IL1RAPL1: variants seen among roughly 807,000 people sequenced by gnomAD.
IL1RAPL1 encodes interleukin 1 receptor accessory protein like 1, also known as interleukin-1 receptor accessory protein-like 1.
In IL1RAPL1, 3 loss-of-function variants were observed where a neutral mutation model predicts 48.4. That is an observed-to-expected ratio of 0.06 (90% CI 0.03 to 0.16). The LOEUF (loss-of-function observed/expected upper bound fraction) is 0.16. Among genes scored for constraint, IL1RAPL1 ranks in the 10% least tolerant of loss-of-function variants. The pLI, the probability that IL1RAPL1 is intolerant of heterozygous loss-of-function variation, is 1.00. For synonymous variants in IL1RAPL1, 185 were observed against 187.7 expected (o/e 0.99, Z 0.12); for missense variants, 349 against 530.6 (o/e 0.66, Z 3.36).
intron 6 of IL1RAPL1, among the ~76,000 whole-genome samples, chrX:29,788,009 G>A (rs1268458145): frequency 8.9e-6 from 1 of 112,010 alleles, no homozygotes; most frequent in Non-Finnish European, 1.9e-5. Context: ...TGCTTGCCCA[G>A]TATTTGTTGC....
At position 28,723,843 on chromosome X, in the gene IL1RAPL1, C is replaced by T. The variant is rs758966440; in HGVS notation, c.-24-65477C>T. ...AACATCTTTATTTCTGCCTTCATTTCGTTATGTACCCAGTAGTCATTCAGA... is the reference window on the plus strand; with the variant it reads ...AACATCTTTATTTCTGCCTTCATTTTGTTATGTACCCAGTAGTCATTCAGA... On this transcript the variant is annotated intron_variant, in intron 1 of 10. Coordinates refer to ENST00000378993, the MANE Select transcript of IL1RAPL1 (RefSeq NM_014271.4). Among the ~76,000 whole-genome samples, 15 of 111,887 alleles carry T rather than the reference C, an allele frequency of 1.3e-4. No individual in the cohort carries two copies. In the South Asian group the frequency reaches 2.6e-3, roughly 19 times the overall value.
At chrX:29,837,463 C>A (rs1001621036) in intron 6 of IL1RAPL1, among the ~76,000 whole-genome samples, 1 of 108,847 alleles carries the variant, frequency 9.2e-6, no homozygotes, top group Non-Finnish European at 1.9e-5. Context: ...TAGAAACCAA[C>A]ATTACCCCAT....
At chrX:29,128,789 T>A (rs1385763598) in intron 2 of IL1RAPL1, among the ~76,000 whole-genome samples, 3 of 111,356 alleles carry the variant, frequency 2.7e-5, no homozygotes, top group Non-Finnish European at 5.6e-5. Flanking sequence ...ATAGAAAAAA[T>A]TGAAAATGTC....
At chrX:29,873,668 C>A (rs1003744627) in intron 6 of IL1RAPL1, among the ~76,000 whole-genome samples, 2 of 111,681 alleles carry the variant, frequency 1.8e-5, no homozygotes, top group African/African-American at 3.3e-5. Context: ...TATAAGCCAC[C>A]GACTTTGTGG....
intron 5 of IL1RAPL1, among the ~76,000 whole-genome samples, chrX:29,421,410 A>C (rs1235954557): frequency 9.2e-5 from 10 of 109,090 alleles, no homozygotes; most frequent in African/African-American, 3.4e-4. Context: ...TCCCACACAT[A>C]CCCCCACCCC....
At chrX:29,932,112 C>T (rs1190462865) in intron 8 of IL1RAPL1, among the ~76,000 whole-genome samples, 1 of 112,099 alleles carries the variant, frequency 8.9e-6, no homozygotes, top group African/African-American at 3.2e-5. Flanking sequence ...CCCCATCATA[C>T]TTAATCTTAT....
chrX:29,859,622 CTTT>C (rs746372938), intron 6 of IL1RAPL1, among the ~76,000 whole-genome samples: 10 of 111,976 alleles, frequency 8.9e-5, no homozygotes, highest in South Asian at 3.7e-4. Flanking sequence ...TTCTATATTA[CTTT>C]TTTATGAAAT....
At chrX:29,944,048 T>G (rs1272713910) in intron 9 of IL1RAPL1, among the ~76,000 whole-genome samples, 1 of 112,041 alleles carries the variant, frequency 8.9e-6, no homozygotes, top group Non-Finnish European at 1.9e-5. Context: ...GAACTCTGTC[T>G]CTGAGGCCAT....
chrX:28,615,163 C>T lies in IL1RAPL1; in HGVS notation c.-25+27116C>T, dbSNP rs183569242. Among the ~76,000 whole-genome samples, 649 of 97,342 alleles carry T rather than the reference C, an allele frequency of 6.7e-3. 3 individuals carry two copies. The highest frequency in any genetic ancestry group is 8.9e-3 in the Non-Finnish European group (449 of 50,600). The allele number at this position is 97,342 out of a possible 115,157, so 84.5% of individuals were successfully genotyped here. On this transcript the variant is annotated intron_variant, in intron 1 of 10. Coordinates refer to ENST00000378993, the MANE Select transcript of IL1RAPL1 (RefSeq NM_014271.4). Reference sequence around the variant, plus strand: ...TTGGCCTCCTAAAGTGCTGAGATTACAGGTATGAGGCACTGCGCCTGGCCA... The same window carrying T: ...TTGGCCTCCTAAAGTGCTGAGATTATAGGTATGAGGCACTGCGCCTGGCCA...
chrX:28,846,592 G>T (rs2147294636), intron 2 of IL1RAPL1, among the ~76,000 whole-genome samples: 1 of 111,523 alleles, frequency 9.0e-6, no homozygotes, highest in East Asian at 2.8e-4. Context: ...GCATTTTGTT[G>T]TCAGTGTTCT....
chrX:29,612,472 C>T (rs1410643017), intron 5 of IL1RAPL1, among the ~76,000 whole-genome samples: 1 of 110,383 alleles, frequency 9.1e-6, no homozygotes, highest in Non-Finnish European at 1.9e-5. Flanking sequence ...GGATAACTGT[C>T]TTTCATGGGA....
chrX:29,064,969 G>T (rs1208828777), intron 2 of IL1RAPL1, among the ~76,000 whole-genome samples: 1 of 111,400 alleles, frequency 9.0e-6, no homozygotes, highest in Non-Finnish European at 1.9e-5. Flanking sequence ...CTGAGGATAT[G>T]AGTTACCATC....
chrX:29,086,148 T>C (rs73210034), intron 2 of IL1RAPL1, among the ~76,000 whole-genome samples: 1,590 of 112,311 alleles, frequency 0.014, 15 homozygotes, highest in Non-Finnish European at 0.02. Flanking sequence ...AGATATTCAT[T>C]TGAAGAATAA....
chrX:29,359,181 A>G (rs907010203), intron 3 of IL1RAPL1, among the ~76,000 whole-genome samples: 7 of 111,399 alleles, frequency 6.3e-5, no homozygotes, highest in African/African-American at 2.3e-4. Flanking sequence ...AAACTTATCA[A>G]TATATCTGAT....
At chrX:29,082,382 A>C (rs1260461864) in intron 2 of IL1RAPL1, among the ~76,000 whole-genome samples, 4 of 112,505 alleles carry the variant, frequency 3.6e-5, no homozygotes, top group African/African-American at 1.3e-4. Context: ...AAAAATCCAA[A>C]ATAACATTTA....
At chrX:29,733,318 T>A (rs1459367322) in intron 6 of IL1RAPL1, among the ~76,000 whole-genome samples, 4 of 112,256 alleles carry the variant, frequency 3.6e-5, no homozygotes. Context: ...CTTCTTCCTT[T>A]TTTTAGTATT....
intron 1 of IL1RAPL1, among the ~76,000 whole-genome samples, chrX:28,692,944 G>T (rs1259848421): frequency 2.7e-5 from 3 of 111,563 alleles, no homozygotes; most frequent in East Asian, 5.6e-4. Flanking sequence ...TGTCATGTAG[G>T]TATACAATGT....
At chrX:29,917,436 A>G (rs1328998978) in intron 6 of IL1RAPL1, 28 bp from the exon 7 acceptor site, 1 of 1,201,428 alleles carries the variant, frequency 8.3e-7, no homozygotes, top group Non-Finnish European at 1.1e-6. Context: ...ATAGTTTTAT[A>G]ACACTTTTCC....
intron 2 of IL1RAPL1, among the ~76,000 whole-genome samples, chrX:29,228,332 AGTGTGT>A (rs1555978439): frequency 1.9e-4 from 15 of 79,564 alleles, no homozygotes; most frequent in East Asian, 4.0e-4. Context: ...AGTTTTGCCT[AGTGTGT>A]GTGTGTGTGT....
Sources: allele counts gnomAD v4.1 joint callset (sites outside exome capture counted in the v4.1 genomes callset), GRCh38; gene constraint gnomAD v4.1.1; transcripts MANE v1.5; gene names NCBI Gene and HGNC (gene_info 2026-07-23, HGNC 2026-07-21).